PTPRE: variants seen among roughly 807,000 people sequenced by gnomAD.
PTPRE encodes receptor-type tyrosine-protein phosphatase epsilon.
Under a neutral mutation model 102.0 loss-of-function variants are expected in PTPRE, and 51 were observed. That is an observed-to-expected ratio of 0.50 (90% CI 0.40 to 0.63). The LOEUF (loss-of-function observed/expected upper bound fraction) is 0.63. PTPRE is among the 30% of genes least tolerant of loss of function. PTPRE has a pLI of 0.00. For missense variants in PTPRE, 752 were observed against 915.1 expected, an observed-to-expected ratio of 0.82 and a Z score of 2.30; for synonymous variants, 345 against 348.2, an observed-to-expected ratio of 0.99 and a Z score of 0.10.
rs563083777 is a variant in PTPRE at position 128,033,804 on chromosome 10, CCA to C, written c.-7-7070_-7-7069del. On this transcript the variant is annotated intron_variant, in intron 2 of 20. Coordinates refer to ENST00000254667, the MANE Select transcript of PTPRE (RefSeq NM_006504.6). ...GGATTACAGGCGTGCACCACATCAC[CCA>C]TCTAATTTTTGTATTTTTAGTAGAG... Among the ~76,000 whole-genome samples, 504 of 152,280 alleles carry C rather than the reference CCA, an allele frequency of 3.3e-3. 1 individual carries two copies. The highest frequency in any genetic ancestry group is 6.8e-3 in the Middle Eastern group (2 of 294).
intron 3 of PTPRE, among the ~76,000 whole-genome samples, chr10:128,042,429 C>T (rs1847781632): frequency 6.6e-6 from 1 of 152,144 alleles, no homozygotes; most frequent in Non-Finnish European, 1.5e-5. Context: ...GTGTTACTTG[C>T]AGGAGGAGGA....
chr10:127,942,159 A>T (rs1044923660), intron 1 of PTPRE, among the ~76,000 whole-genome samples: 3 of 152,174 alleles, frequency 2.0e-5, no homozygotes, highest in Non-Finnish European at 4.4e-5. Flanking sequence ...TGTCAGAGAA[A>T]TGAGAATGAG....
chr10:127,988,915 A>G (rs1239933345), intron 2 of PTPRE, among the ~76,000 whole-genome samples: 2 of 152,222 alleles, frequency 1.3e-5, no homozygotes, highest in Non-Finnish European at 2.9e-5. Context: ...CTGTGGAACT[A>G]CTGAACAAAA....
intron 1 of PTPRE, among the ~76,000 whole-genome samples, chr10:127,960,863 C>CA (rs553923316): frequency 1.3e-3 from 200 of 151,480 alleles, no homozygotes; most frequent in Middle Eastern, 6.8e-3. Flanking sequence ...ACTAAAAATA[C>CA]AAAAAAAATT....
chr10:127,977,590 C>A (rs73378106), intron 1 of PTPRE, among the ~76,000 whole-genome samples: 1,627 of 152,314 alleles, frequency 0.011, 31 homozygotes, highest in African/African-American at 0.037. Context: ...CAGTTCTGTT[C>A]ATCTCAGAAG....
At chr10:128,077,346 G>A (rs533635746) in intron 18 of PTPRE, among the ~76,000 whole-genome samples, 9 of 152,346 alleles carry the variant, frequency 5.9e-5, no homozygotes, top group Admixed American at 1.3e-4. Flanking sequence ...CAAGGATCCC[G>A]TAGGGGTTGG....
intron 2 of PTPRE, among the ~76,000 whole-genome samples, chr10:128,010,627 G>C (rs1342792244): frequency 7.3e-6 from 1 of 137,736 alleles, no homozygotes; most frequent in East Asian, 2.0e-4. Context: ...CTGTCGCCCA[G>C]GCTGGAGGGC....
Position 128,077,705 on chromosome 10 carries a change from A to C in PTPRE, c.1814A>C (p.Lys605Thr), listed in dbSNP as rs1254324401. 1.2e-6 allele frequency: 2 copies of C among 1,613,918 alleles called. No homozygotes were observed. Among genetic ancestry groups the C allele is most frequent in the South Asian group, 2.2e-5 (2 of 91,088 alleles). The change falls in exon 19 of 21, where the codon AAA becomes ACA. Residue 605 changes from lysine to threonine, a missense_variant. Transcript: ENST00000254667. ...GAGATCGGGATTCCCGCCGAGGGCA[A>C]AGGCATGATTGACCTCATCGCAGCC... ...WPEIGIPAEG[K>T]GMIDLIAAVQ...
intron 19 of PTPRE, among the ~76,000 whole-genome samples, chr10:128,078,204 T>G (rs1851392269): frequency 6.6e-6 from 1 of 152,226 alleles, no homozygotes; most frequent in Admixed American, 6.5e-5. Context: ...CTGGGATTCC[T>G]GGCCATATGA....
chr10:128,067,532 A>G (rs574564233), intron 11 of PTPRE, among the ~76,000 whole-genome samples: 2 of 151,494 alleles, frequency 1.3e-5, no homozygotes, highest in South Asian at 4.2e-4. Flanking sequence ...ATGCACACAT[A>G]CACATGCATA....
intron 1 of PTPRE, among the ~76,000 whole-genome samples, chr10:127,977,437 G>A (rs1429813955): frequency 3.9e-5 from 6 of 152,154 alleles, no homozygotes; most frequent in Non-Finnish European, 7.4e-5. Flanking sequence ...GTTGCTACTC[G>A]TTTAAAAGAC....
At chr10:127,910,076 C>A (rs904819208) in intron 1 of PTPRE, among the ~76,000 whole-genome samples, 10 of 152,164 alleles carry the variant, frequency 6.6e-5, no homozygotes, top group African/African-American at 2.4e-4. Flanking sequence ...ATTTGAGTCA[C>A]CCTCACAGAA....
At chr10:128,063,384 T>A (rs1029118358) in intron 10 of PTPRE, among the ~76,000 whole-genome samples, 11 of 152,234 alleles carry the variant, frequency 7.2e-5, no homozygotes, top group African/African-American at 1.9e-4. Context: ...TGTTATCTAA[T>A]CTGTGATAAC....
At chr10:127,910,652 A>G (rs896256809) in intron 1 of PTPRE, among the ~76,000 whole-genome samples, 14 of 152,232 alleles carry the variant, frequency 9.2e-5, no homozygotes, top group African/African-American at 3.4e-4. Context: ...GGGAGTAATC[A>G]TCGCTACTTC....
intron 1 of PTPRE, among the ~76,000 whole-genome samples, chr10:127,911,474 G>C (rs547041850): frequency 6.6e-5 from 10 of 152,216 alleles, no homozygotes; most frequent in Non-Finnish European, 1.5e-4. Flanking sequence ...CAGGTGTCTG[G>C]AATCAGGGTA....
intron 1 of PTPRE, among the ~76,000 whole-genome samples, chr10:127,928,422 A>T (rs561790146): frequency 1.3e-5 from 2 of 152,224 alleles, no homozygotes; most frequent in Non-Finnish European, 2.9e-5. Context: ...TAGGAAACTT[A>T]ATGCAGATAT....
rs12217736 is a variant in PTPRE at position 128,067,403 on chromosome 10, C to T, written c.844-720C>T. Among the ~76,000 whole-genome samples, 4 of 44,978 alleles carry T rather than the reference C, an allele frequency of 8.9e-5. No individual in the cohort carries two copies. The East Asian group carries it at 1.9e-3, about 21-fold the overall frequency. 29.5% of individuals were successfully genotyped at this position (44,978 alleles called of 152,430 possible). A position where few individuals can be genotyped will look rare whatever the true frequency, so the allele number is the denominator to read the frequency against. ...ATTCACACATGTGCACACACACATA[C>T]ACGCACATGGGTGCACACGTGTACG... On this transcript the variant is annotated intron_variant, in intron 11 of 20. Coordinates refer to ENST00000254667, the MANE Select transcript of PTPRE (RefSeq NM_006504.6).
rs1246551673 is a variant in PTPRE at position 128,083,927 on chromosome 10, A to G, written c.*1021A>G. ...CTGAGCAGCATTTTGGTATTTAAAC[A>G]TTTCTTGTAAAAAGCTGAGACAGTT... On this transcript the variant is annotated 3_prime_UTR_variant, in exon 21 of 21. Coordinates refer to ENST00000254667, the MANE Select transcript of PTPRE (RefSeq NM_006504.6). The G allele has an allele frequency of 2.0e-5, 3 of 152,240 alleles. No individual in the cohort carries two copies. The highest frequency in any genetic ancestry group is 7.2e-5 in the African/African-American group (3 of 41,458). The allele number at this position is 152,240 out of a possible 1,614,324, so 9.4% of individuals were successfully genotyped here. A position where few individuals can be genotyped will look rare whatever the true frequency, so the allele number is the denominator to read the frequency against.
At chr10:128,013,288 G>A (rs181258462) in intron 2 of PTPRE, among the ~76,000 whole-genome samples, 1 of 152,294 alleles carries the variant, frequency 6.6e-6, no homozygotes, top group East Asian at 1.9e-4. Flanking sequence ...GTTCTCCGAA[G>A]TCGTGAGTAG....
Sources: allele counts gnomAD v4.1 joint callset (sites outside exome capture counted in the v4.1 genomes callset), GRCh38; gene constraint gnomAD v4.1.1; transcripts MANE v1.5; gene names NCBI Gene and HGNC (gene_info 2026-07-23, HGNC 2026-07-21).